The following CAMKMT variants were observed in gnomAD, a reference collection of about 807,000 sequenced individuals.
The protein encoded by CAMKMT is CaM KMT.
In CAMKMT, 53 loss-of-function variants were observed where a neutral mutation model predicts 48.0. That is an observed-to-expected ratio of 1.10 (90% CI 0.89 to 1.39). CAMKMT has a LOEUF of 1.39. Ranked by LOEUF, CAMKMT falls within the 40% of genes most tolerant of loss-of-function variation. The pLI, the probability that CAMKMT is intolerant of heterozygous loss-of-function variation, is 0.00. For missense variants in CAMKMT, 428 were observed against 402.7 expected, an observed-to-expected ratio of 1.06 and a Z score of -0.54; for synonymous variants, 165 against 152.3, an observed-to-expected ratio of 1.08 and a Z score of -0.61.
intron 9 of CAMKMT, among the ~76,000 whole-genome samples, chr2:44,759,537 T>TG (rs1208028110): frequency 2.0e-5 from 3 of 152,148 alleles, no homozygotes; most frequent in Non-Finnish European, 4.4e-5. Context: ...CTTGTGTATG[T>TG]GGGATCAGTA....
intron 8 of CAMKMT, among the ~76,000 whole-genome samples, chr2:44,753,426 A>G (rs1680238744): frequency 6.6e-6 from 1 of 151,822 alleles, no homozygotes; most frequent in South Asian, 2.1e-4. Context: ...AAAGAAAGAA[A>G]GAAAACAAAG....
chr2:44,576,143 A>G (rs780494400), intron 3 of CAMKMT, among the ~76,000 whole-genome samples: 6 of 152,062 alleles, frequency 3.9e-5, no homozygotes, highest in Non-Finnish European at 7.4e-5. Flanking sequence ...CCTGGCTAAC[A>G]TGGTGAAACC....
intron 3 of CAMKMT, among the ~76,000 whole-genome samples, chr2:44,430,541 T>C (rs1684587339): frequency 6.6e-6 from 1 of 151,562 alleles, no homozygotes; most frequent in African/African-American, 2.4e-5. Context: ...TAGGTGTTAA[T>C]GCAAATTTGT....
At chr2:44,679,112 G>C (rs534076495) in intron 3 of CAMKMT, among the ~76,000 whole-genome samples, 1 of 152,294 alleles carries the variant, frequency 6.6e-6, no homozygotes, top group African/African-American at 2.4e-5. Flanking sequence ...GATGGTTAGA[G>C]TTGGGTCATG....
chr2:44,496,610 C>T (rs1669762870), intron 3 of CAMKMT, among the ~76,000 whole-genome samples: 3 of 152,190 alleles, frequency 2.0e-5, no homozygotes, highest in Admixed American at 2.0e-4. Flanking sequence ...CACTTCTGAA[C>T]ATGAGATAAC....
At chr2:44,654,301 C>A (rs982818790) in intron 3 of CAMKMT, among the ~76,000 whole-genome samples, 1 of 151,430 alleles carries the variant, frequency 6.6e-6, no homozygotes, top group Non-Finnish European at 1.5e-5. Context: ...TACATGAAGG[C>A]AAAATTGAAT....
intron 7 of CAMKMT, among the ~76,000 whole-genome samples, chr2:44,732,549 T>A (rs926958820): frequency 6.6e-6 from 1 of 152,212 alleles, no homozygotes; most frequent in Non-Finnish European, 1.5e-5. Flanking sequence ...TGCGCCTTGC[T>A]CTTTTTCAGA....
intron 7 of CAMKMT, among the ~76,000 whole-genome samples, chr2:44,724,919 G>A (rs1678694946): frequency 6.6e-6 from 1 of 152,078 alleles, no homozygotes; most frequent in Admixed American, 6.6e-5. Context: ...TAATCATATG[G>A]GACATTTTTG....
At chr2:44,667,290 G>C (rs115615243) in intron 3 of CAMKMT, among the ~76,000 whole-genome samples, 3,389 of 152,146 alleles carry the variant, frequency 0.022, 122 homozygotes, top group African/African-American at 0.076. Context: ...CATCCACCCC[G>C]TGTTTACCTC....
chr2:44,625,296 T>C lies in CAMKMT; in HGVS notation c.377-78987T>C, dbSNP rs536841336. The stretch of plus-strand genomic sequence containing the variant: ...TTTATTGACCATTTGTATATATTTT[T>C]TGGGACATGTTCAAATCTTTTGTAC... On this transcript the variant is annotated intron_variant, in intron 3 of 10. Transcript: ENST00000378494. Among the ~76,000 whole-genome samples, 7 of 152,344 alleles carry C rather than the reference T, an allele frequency of 4.6e-5. No individual in the cohort carries two copies. The South Asian group carries it at 6.2e-4, about 14-fold the overall frequency.
intron 10 of CAMKMT, among the ~76,000 whole-genome samples, chr2:44,767,190 G>T (rs765613830): frequency 6.6e-5 from 10 of 152,180 alleles, no homozygotes; most frequent in Admixed American, 3.9e-4. Context: ...ACACTGAGAG[G>T]CGAGTGTTTC....
chr2:44,649,296 C>A (rs572705310), intron 3 of CAMKMT, among the ~76,000 whole-genome samples: 2 of 152,004 alleles, frequency 1.3e-5, no homozygotes, highest in African/African-American at 4.8e-5. Context: ...TTATTGAGTA[C>A]CTACTGAGTT....
At position 44,614,835 on chromosome 2, in the gene CAMKMT, CT is replaced by C. The variant is rs1284233763; in HGVS notation, c.377-89443del. Among the ~76,000 whole-genome samples, 4 of 150,084 alleles carry C rather than the reference CT, an allele frequency of 2.7e-5. No homozygotes were observed. The Admixed American group carries it at 2.7e-4, about 10-fold the overall frequency. On this transcript the variant is annotated intron_variant, in intron 3 of 10. Transcript: ENST00000378494. ...CTTCACACACACCAGCAATTTGCTT[CT>C]TTTTCTTTTGCATCATCAGTCTGCT...
At chr2:44,616,536 A>G (rs1285715284) in intron 3 of CAMKMT, among the ~76,000 whole-genome samples, 2 of 150,998 alleles carry the variant, frequency 1.3e-5, no homozygotes, top group Admixed American at 6.6e-5. Flanking sequence ...CTTTAACAAT[A>G]TATTTTTTTG....
intron 3 of CAMKMT, among the ~76,000 whole-genome samples, chr2:44,583,418 A>T (rs952462684): frequency 6.6e-6 from 1 of 152,324 alleles, no homozygotes; most frequent in African/African-American, 2.4e-5. Flanking sequence ...GGATTCTTCA[A>T]TAAGAAATCA....
chr2:44,684,094 G>T (rs987548359), intron 3 of CAMKMT, among the ~76,000 whole-genome samples: 9 of 152,148 alleles, frequency 5.9e-5, no homozygotes, highest in Non-Finnish European at 1.3e-4. Flanking sequence ...CATTTGTTGA[G>T]GGTGGGGCCA....
intron 2 of CAMKMT, among the ~76,000 whole-genome samples, chr2:44,377,630 A>G (rs985328973): frequency 6.6e-6 from 1 of 152,192 alleles, no homozygotes; most frequent in African/African-American, 2.4e-5. Context: ...TGTCTTAGGT[A>G]TAGAGAAAGC....
chr2:44,591,862 A>T (rs577660844), intron 3 of CAMKMT, among the ~76,000 whole-genome samples: 1 of 152,206 alleles, frequency 6.6e-6, no homozygotes, highest in South Asian at 2.1e-4. Flanking sequence ...GCACATATAC[A>T]CCATGGAATA....
intron 3 of CAMKMT, among the ~76,000 whole-genome samples, chr2:44,674,585 A>G (rs1675562977): frequency 6.6e-6 from 1 of 152,216 alleles, no homozygotes; most frequent in Non-Finnish European, 1.5e-5. Flanking sequence ...GAAGCCCCCA[A>G]CCTCAACCAA....
Sources: gnomAD v4.1 joint callset for allele counts (sites outside exome capture counted in the v4.1 genomes callset) on GRCh38, gnomAD v4.1.1 for gene constraint, MANE v1.5 for transcripts, NCBI Gene and HGNC (gene_info 2026-07-23, HGNC 2026-07-21) for gene names.